The following COL4A2 variants were observed in gnomAD, a reference collection of about 807,000 sequenced individuals.
COL4A2 encodes collagen type IV alpha 2 chain, also known as collagen alpha-2(IV) chain.
In COL4A2, 99 loss-of-function variants were observed where a neutral mutation model predicts 200.2. The ratio of observed to expected loss-of-function variants is 0.49; its 90% CI spans 0.42 to 0.58. The LOEUF (loss-of-function observed/expected upper bound fraction) is 0.58, where lower values mean the gene tolerates loss of function less well. Among genes scored for constraint, COL4A2 ranks in the 20% least tolerant of loss-of-function variants. COL4A2 has a pLI of 0.00. For missense variants in COL4A2, 1,950 were observed against 2,314.1 expected (o/e 0.84, Z 3.23); for synonymous variants, 897 against 900.6 (o/e 1.00, Z 0.07).
At chr13:110,375,842 A>T (rs189354729) in intron 4 of COL4A2, among the ~76,000 whole-genome samples, 1 of 152,038 alleles carries the variant, frequency 6.6e-6, no homozygotes, top group Non-Finnish European at 1.5e-5. Context: ...AAAAAAAAAA[A>T]TTGACAGAGA....
intron 4 of COL4A2, among the ~76,000 whole-genome samples, chr13:110,393,686 C>A (rs1362106662): frequency 6.6e-6 from 1 of 151,902 alleles, no homozygotes; most frequent in Admixed American, 6.6e-5. Flanking sequence ...CGAGACCAAC[C>A]TGGCCAACAT....
chr13:110,409,017 CAT>C (rs1879713654), intron 4 of COL4A2, among the ~76,000 whole-genome samples: 1 of 103,130 alleles, frequency 9.7e-6, no homozygotes, highest in Non-Finnish European at 2.0e-5. Flanking sequence ...CACACATACA[CAT>C]GGACACGCGC....
chr13:110,319,909 T>G (rs2139349958), intron 3 of COL4A2, among the ~76,000 whole-genome samples: 1 of 152,324 alleles, frequency 6.6e-6, no homozygotes, highest in South Asian at 2.1e-4. Context: ...TCCTTCCTGT[T>G]GTAAAACAAG....
chr13:110,507,817 A>G lies in COL4A2; in HGVS notation c.4595-118A>G, dbSNP rs1394732095. 4 of 1,079,962 alleles carry G rather than the reference A, an allele frequency of 3.7e-6. No homozygotes were observed. The Admixed American group carries it at 8.2e-5, about 22-fold the overall frequency. The allele number at this position is 1,079,962 out of a possible 1,614,324, so 66.9% of individuals were successfully genotyped here. A position where few individuals can be genotyped will look rare whatever the true frequency, so the allele number is the denominator to read the frequency against. Reference sequence around the variant, plus strand: ...GCCTGGCCCTCCAGTAGGTGGCTAAACTCCACCAGGTGCCCTGGGGCGAGT... The same window carrying G: ...GCCTGGCCCTCCAGTAGGTGGCTAAGCTCCACCAGGTGCCCTGGGGCGAGT... On this transcript the variant is annotated intron_variant, in intron 46 of 47. Coordinates refer to ENST00000360467, the MANE Select transcript of COL4A2 (RefSeq NM_001846.4).
intron 3 of COL4A2, among the ~76,000 whole-genome samples, chr13:110,343,850 G>C (rs185001059): frequency 6.6e-6 from 1 of 152,280 alleles, no homozygotes; most frequent in Non-Finnish European, 1.5e-5. Context: ...GTTTTGAACA[G>C]AACTCTTAAA....
chr13:110,487,783 A>G (rs1385964039), intron 34 of COL4A2, among the ~76,000 whole-genome samples: 3 of 152,236 alleles, frequency 2.0e-5, no homozygotes, highest in South Asian at 2.1e-4. Flanking sequence ...AGGCTGTTAG[A>G]TGGGGTATCG....
intron 46 of COL4A2, chr13:110,507,651 A>C (rs1883931997): frequency 1.9e-6 from 1 of 530,806 alleles, no homozygotes. Context: ...GCTCACCCAA[A>C]ATGCTATTCC....
In COL4A2 at chr13:110,501,775, G is replaced by C. The variant is rs1217020302; in HGVS notation, c.3868G>C (p.Gly1290Arg). ...PGDKGAPGIF[G>R]LKGYRGPPGP... ...TGACAAAGGGGCGCCAGGGATATTT[G>C]GCCTGAAAGGTAAGCAGGACTTATA... The change falls in exon 41 of 48, where the codon GGC becomes CGC. Residue 1290 changes from glycine to arginine, a missense_variant. Physicochemically the swap from Gly to Arg is moderately radical, Grantham distance 125 (BLOSUM62 -2). This residue lies in a region of COL4A2 where 1,385 missense variants were observed against 1,720.5 expected (regional missense o/e 0.80). Transcript: ENST00000360467. 6.2e-7 allele frequency: 1 copy of C among 1,613,346 alleles called. No individual in the cohort carries two copies. The highest frequency in any genetic ancestry group is 8.5e-7 in the Non-Finnish European group (1 of 1,179,640).
In COL4A2 at chr13:110,429,872, A is replaced by G. The variant is rs1594209518; in HGVS notation, c.478-13A>G. 6.2e-7 allele frequency: 1 copy of G among 1,612,988 alleles called. No individual in the cohort carries two copies. The highest frequency in any genetic ancestry group is 8.5e-7 in the Non-Finnish European group (1 of 1,179,334). ...TTGTTGTTTTTTCTTTTTACAATAT[A>G]TCTGCTAATTAGGGGCCCCAAGGAC... On this transcript the variant is annotated splice_polypyrimidine_tract_variant and intron_variant, in intron 7 of 47. Transcript: ENST00000360467.
chr13:110,380,849 C>T (rs548561648), intron 4 of COL4A2, among the ~76,000 whole-genome samples: 3 of 148,094 alleles, frequency 2.0e-5, no homozygotes, highest in Non-Finnish European at 3.0e-5. Flanking sequence ...AACCACAGAG[C>T]TCTATCTCAC....
At chr13:110,351,710 G>C (rs1392337320) in intron 3 of COL4A2, among the ~76,000 whole-genome samples, 1 of 152,166 alleles carries the variant, frequency 6.6e-6, no homozygotes, top group African/African-American at 2.4e-5. Context: ...TCTTGAAGGA[G>C]CAGATAAGTC....
chr13:110,365,181 G>T (rs1013922786), intron 4 of COL4A2, among the ~76,000 whole-genome samples: 5 of 151,320 alleles, frequency 3.3e-5, no homozygotes, highest in Non-Finnish European at 7.4e-5. Context: ...CGCTCTTGTT[G>T]CCTGGGCTGG....
Position 110,462,288 on chromosome 13 carries a change from A to G in COL4A2, c.1680A>G (p.Gly560=). The G allele has an allele frequency of 1.2e-6, 2 of 1,614,198 alleles. No individual in the cohort carries two copies. The highest frequency in any genetic ancestry group is 1.1e-5 in the South Asian group (1 of 91,080). Residue 560 remains glycine, a synonymous_variant, in exon 24 of 48, where the codon GGA becomes GGG. Transcript: ENST00000360467. The part of the protein sequence containing the change: ...SRTITTKGER[G]QPGVPGVPGM... ...CAAATCCCTTTCTAGGTGAGCGGGG[A>G]CAGCCCGGCGTCCCAGGTGTGCCCG...
intron 4 of COL4A2, among the ~76,000 whole-genome samples, chr13:110,370,287 A>C (rs1877945949): frequency 6.6e-6 from 1 of 151,760 alleles, no homozygotes; most frequent in Admixed American, 6.6e-5. Context: ...TTTTTGAGAC[A>C]AAGTCTCACT....
At chr13:110,447,256 A>G (rs1488965430) in intron 18 of COL4A2, among the ~76,000 whole-genome samples, 1 of 152,154 alleles carries the variant, frequency 6.6e-6, no homozygotes, top group Non-Finnish European at 1.5e-5. Flanking sequence ...AAATGCACCA[A>G]GGTTCTTAAG....
chr13:110,381,820 C>T (rs563191698), intron 4 of COL4A2, among the ~76,000 whole-genome samples: 1 of 152,270 alleles, frequency 6.6e-6, no homozygotes, highest in South Asian at 2.1e-4. Context: ...TTCATATCAT[C>T]GTTATTATTA....
intron 3 of COL4A2, among the ~76,000 whole-genome samples, chr13:110,326,165 G>T (rs1044729559): frequency 3.3e-5 from 5 of 152,148 alleles, no homozygotes; most frequent in Non-Finnish European, 5.9e-5. Flanking sequence ...TTCCACCTCG[G>T]AGTTCAAATT....
In COL4A2 at chr13:110,508,727, T is replaced by C. The variant is rs1042194185; in HGVS notation, c.4881+506T>C. Among the ~76,000 whole-genome samples the C allele has an allele frequency of 2.0e-5, 3 of 152,192 alleles. No homozygotes were observed. Among genetic ancestry groups the C allele is most frequent in the African/African-American group, 7.2e-5 (3 of 41,428 alleles). On this transcript the variant is annotated intron_variant, in intron 47 of 47. Coordinates refer to ENST00000360467, the MANE Select transcript of COL4A2 (RefSeq NM_001846.4). This position sits in a 1 kb window ranked among gnomAD's most constrained non-coding sequence, Gnocchi z 6.1. ...TAAAATAGAGAGCCTGTGGATACTTTGAAAGCCAGGAGAAGGTGCACAACC... is the reference window on the plus strand; with the variant it reads ...TAAAATAGAGAGCCTGTGGATACTTCGAAAGCCAGGAGAAGGTGCACAACC...
At chr13:110,482,772 A>T in intron 32 of COL4A2, 113 bp downstream of exon 32, 1 of 1,147,604 alleles carries the variant, frequency 8.7e-7, no homozygotes, top group Non-Finnish European at 1.2e-6. Context: ...TGCATCCAGG[A>T]ACCCTAAAGC....
Sources: allele counts gnomAD v4.1 joint callset (sites outside exome capture counted in the v4.1 genomes callset), GRCh38; gene constraint gnomAD v4.1.1; regional missense constraint gnomAD v4.1.1; non-coding constraint Gnocchi (gnomAD v3.1); transcripts MANE v1.5; gene names NCBI Gene and HGNC (gene_info 2026-07-23, HGNC 2026-07-21).